Variants in KRT72 observed in about 807,000 individuals in gnomAD.
KRT72 encodes the protein keratin 72.
A neutral mutation model predicts 44.7 loss-of-function variants in KRT72; 44 were observed. The observed-to-expected ratio is 0.98, with a 90% CI of 0.77 to 1.27. KRT72 has a LOEUF of 1.27. Ranked by LOEUF, KRT72 falls within the 50% of genes most tolerant of loss-of-function variation. KRT72 has a pLI of 0.00. For synonymous variants in KRT72, 302 were observed against 280.4 expected, an observed-to-expected ratio of 1.08 and a Z score of -0.77; for missense variants, 736 against 667.1, an observed-to-expected ratio of 1.10 and a Z score of -1.14.
Position 52,601,211 on chromosome 12 carries a change from C to G in KRT72, c.242G>C (p.Ser81Thr). Residue 81 changes from serine (S) to threonine (T), a missense_variant, in exon 1 of 9, where the codon AGC becomes ACC. By Grantham distance (58) the Ser-to-Thr change is moderately conservative. Transcript: ENST00000293745. ...GGGACACTTGGGCCCCAGCCCGGCGCTGCCGAAGGCGGTGCCCACGAAGCC... is the reference window on the plus strand; with the variant it reads ...GGGACACTTGGGCCCCAGCCCGGCGGTGCCGAAGGCGGTGCCCACGAAGCC... ...LGGFVGTAFG[S>T]AGLGPKCPSV... The G allele has an allele frequency of 6.2e-7, 1 of 1,608,598 alleles. No homozygotes were observed. The highest frequency in any genetic ancestry group is 8.5e-7 in the Non-Finnish European group (1 of 1,177,372).
chr12:52,599,368 T>C (rs1940332936), intron 1 of KRT72: 1 of 569,438 alleles, frequency 1.8e-6, no homozygotes, highest in Non-Finnish European at 3.3e-6. Context: ...TGAGTTTTCA[T>C]GAGACAGAGG....
intron 1 of KRT72, chr12:52,599,518 T>C (rs556909646): frequency 2.2e-6 from 1 of 453,166 alleles, no homozygotes; most frequent in East Asian, 6.9e-5. Flanking sequence ...TAAATTGCAC[T>C]TGGTTTGTTC....
intron 6 of KRT72, among the ~76,000 whole-genome samples, chr12:52,589,940 A>C (rs1402903697): frequency 6.6e-6 from 1 of 152,210 alleles, no homozygotes; most frequent in Non-Finnish European, 1.5e-5. Context: ...TAAGTTATTT[A>C]ATGCTGGTCT....
intron 2 of KRT72, 76 bp from the exon 3 acceptor site, chr12:52,593,028 A>T: frequency 7.3e-7 from 1 of 1,376,696 alleles, no homozygotes; most frequent in Non-Finnish European, 1.0e-6. Flanking sequence ...CTCTGTGCTG[A>T]GAGCTGCAGG....
At chr12:52,600,940 C>A in intron 1 of KRT72, 87 bp downstream of exon 1, 1 of 1,445,378 alleles carries the variant, frequency 6.9e-7, no homozygotes, top group South Asian at 1.3e-5. Context: ...GACCCGCCCA[C>A]GCTCCCACAC....
chr12:52,591,359 T>TACAC (rs71092772), intron 5 of KRT72, 105 bp downstream of exon 5: 143,203 of 1,109,354 alleles, frequency 0.13, 6,860 homozygotes, highest in East Asian at 0.37. Context: ...TGAGCCCAAA[T>TACAC]ACACACACAC....
chr12:52,597,908 G>A (rs1592232323), intron 2 of KRT72, among the ~76,000 whole-genome samples: 2 of 152,306 alleles, frequency 1.3e-5, no homozygotes, highest in African/African-American at 2.4e-5. Context: ...TGATTCAGGA[G>A]CACAAAGCCA....
intron 1 of KRT72, among the ~76,000 whole-genome samples, chr12:52,600,257 A>G (rs1171693120): frequency 6.6e-6 from 1 of 152,018 alleles, no homozygotes; most frequent in Non-Finnish European, 1.5e-5. Flanking sequence ...CTCCTCAAGC[A>G]CCAAGCACCA....
intron 8 of KRT72, 21 bp downstream of exon 8, chr12:52,586,925 C>T (rs200970635): frequency 6.7e-5 from 108 of 1,611,200 alleles, no homozygotes; most frequent in Non-Finnish European, 8.6e-5. Flanking sequence ...AAGGGCAGAA[C>T]TGAGATCTGC....
chr12:52,592,882 C>A lies in KRT72; in HGVS notation c.702+10G>T, dbSNP rs1171086554. 1 of 1,613,214 alleles carries A rather than the reference C, an allele frequency of 6.2e-7. No individual in the cohort carries two copies. The highest frequency in any genetic ancestry group is 8.5e-7 in the Non-Finnish European group (1 of 1,179,514). On this transcript the variant is annotated intron_variant, in intron 3 of 8. Transcript: ENST00000293745. ...TAGGCTTCTTCCAGCCCACCTGGCA[C>A]CCCTCTTACCTTCTTGAGCACCACA...
chr12:52,592,452 C>T lies in KRT72; in HGVS notation c.742G>A (p.Ala248Thr). The change falls in exon 4 of 9, where the codon GCC becomes ACC. Residue 248 changes from alanine (A) to threonine (T), a missense_variant. By Grantham distance (58) the Ala-to-Thr change is moderately conservative. Coordinates refer to ENST00000293745, the MANE Select transcript of KRT72 (RefSeq NM_080747.3). ...AAYMNKVELQ[A>T]KVDSLTDEIK... ...TCATCTGTCAAGGAGTCCACCTTGG[C>T]CTGGAGCTCAACCTTATTCATGTAA... 2 of 1,614,162 alleles carry T rather than the reference C, an allele frequency of 1.2e-6. No individual in the cohort carries two copies. The highest frequency in any genetic ancestry group is 1.7e-6 in the Non-Finnish European group (2 of 1,180,004).
chr12:52,591,034 C>A, intron 5 of KRT72, 73 bp from the exon 6 acceptor site: 1 of 1,389,146 alleles, frequency 7.2e-7, no homozygotes. Flanking sequence ...TTCTTCTGGA[C>A]AGAAAGGATC....
intron 5 of KRT72, among the ~76,000 whole-genome samples, chr12:52,591,218 C>T (rs1252477839): frequency 6.6e-6 from 1 of 152,190 alleles, no homozygotes; most frequent in Non-Finnish European, 1.5e-5. Context: ...TGGCCTCAGC[C>T]AAGGGCCGTG....
intron 1 of KRT72, among the ~76,000 whole-genome samples, chr12:52,600,468 T>C (rs926314964): frequency 3.9e-5 from 6 of 152,214 alleles, no homozygotes; most frequent in African/African-American, 1.4e-4. Flanking sequence ...AATCTCAACT[T>C]GAATTAAGTC....
chr12:52,587,864 CA>C lies in KRT72; in HGVS notation c.1090-14del, dbSNP rs1307329141. On this transcript the variant is annotated splice_polypyrimidine_tract_variant and intron_variant, in intron 6 of 8. Transcript: ENST00000293745. Reference sequence around the variant, plus strand: ...CCAGATCGGCACACTGAGGGGCAAACAGATCCAGCACTTAAGAGTCAGAGCC... The same window carrying C: ...CCAGATCGGCACACTGAGGGGCAAACGATCCAGCACTTAAGAGTCAGAGCC... 1.2e-6 allele frequency: 2 copies of C among 1,611,704 alleles called. No individual in the cohort carries two copies. The highest frequency in any genetic ancestry group is 2.7e-5 in the African/African-American group (2 of 74,916).
chr12:52,601,087 GC>G lies in KRT72; in HGVS notation c.365del (p.Arg122ProfsTer11). The G allele has an allele frequency of 6.2e-7, 1 of 1,612,480 alleles. No individual in the cohort carries two copies. Among genetic ancestry groups the G allele is most frequent in the Non-Finnish European group, 8.5e-7 (1 of 1,179,492 alleles). ...VEMDPEIQRVRAQEREQIKAL... is the reference protein window; with the variant it reads ...VEMDPEIQRVXAQEREQIKAL... ...CCTTGATCTGCTCCCGCTCCTGGGC[GC>G]GCACCCTCTGGATCTCGGGGTCCAT... On this transcript the variant is annotated frameshift_variant, in exon 1 of 9. Transcript: ENST00000293745. LOFTEE classifies it high-confidence loss of function.
chr12:52,586,244 T>A (rs1939742593), intron 8 of KRT72, 72 bp from the exon 9 acceptor site: 1 of 1,301,526 alleles, frequency 7.7e-7, no homozygotes, highest in South Asian at 1.4e-5. Context: ...CTTGGGCATC[T>A]CGGGCCACCT....
rs774646841 is a variant in KRT72, at chr12:52,591,463, C to A, written c.963+1G>T. 1.2e-6 allele frequency: 2 copies of A among 1,612,816 alleles called. No individual in the cohort carries two copies. The highest frequency in any genetic ancestry group is 1.7e-5 in the Admixed American group (1 of 59,992). On this transcript the variant is annotated splice_donor_variant, in intron 5 of 8. Transcript: ENST00000293745. LOFTEE classifies it high-confidence loss of function. Reference sequence around the variant, plus strand: ...ACTCAGCACACCTGGCACCAGCTCACCTTGGTCTGGTACAGGGTCTCAGCC... The same window carrying A: ...ACTCAGCACACCTGGCACCAGCTCAACTTGGTCTGGTACAGGGTCTCAGCC...
intron 2 of KRT72, among the ~76,000 whole-genome samples, chr12:52,594,492 A>G (rs1389255322): frequency 6.6e-6 from 1 of 152,188 alleles, no homozygotes; most frequent in East Asian, 1.9e-4. Flanking sequence ...CATCATTCTG[A>G]GCAACTATTG....
Sources: gnomAD v4.1 joint callset for allele counts (sites outside exome capture counted in the v4.1 genomes callset) on GRCh38, gnomAD v4.1.1 for gene constraint, MANE v1.5 for transcripts, NCBI Gene and HGNC (gene_info 2026-07-23, HGNC 2026-07-21) for gene names.